The following MVB12B variants were observed in gnomAD, a reference collection of about 807,000 sequenced individuals.
MVB12B encodes the protein ESCRT-I complex subunit MVB12B.
In MVB12B, 16 loss-of-function variants were observed where a neutral mutation model predicts 41.6. The observed-to-expected ratio is 0.38, with a 90% confidence interval of 0.26 to 0.58. The LOEUF (loss-of-function observed/expected upper bound fraction) is 0.58. MVB12B is among the 20% of genes least tolerant of loss of function. MVB12B has a pLI of 0.62. For synonymous variants in MVB12B, 133 were observed against 139.7 expected (o/e 0.95, Z 0.34); for missense variants, 274 against 380.2 (o/e 0.72, Z 2.32).
chr9:126,489,105 G>A (rs945004739), intron 9 of MVB12B, among the ~76,000 whole-genome samples: 1 of 152,222 alleles, frequency 6.6e-6, no homozygotes, highest in African/African-American at 2.4e-5. Context: ...GCCCCAGGGA[G>A]CATGCGCTCC....
chr9:126,386,948 GT>G lies in MVB12B; in HGVS notation c.409+291del, dbSNP rs1355105962. Among the ~76,000 whole-genome samples, 3 of 152,102 alleles carry G rather than the reference GT, an allele frequency of 2.0e-5. No individual in the cohort carries two copies. The highest frequency in any genetic ancestry group is 7.2e-5 in the African/African-American group (3 of 41,426). On this transcript the variant is annotated intron_variant, in intron 4 of 9. Transcript: ENST00000361171. This position sits in a 1 kb window ranked among gnomAD's most constrained non-coding sequence, Gnocchi z 4.3. ...ATGGAATGGTGAAACTATACAGTTT[GT>G]CTTTAGTCCTTCCTCTGGTGTTGCT...
intron 9 of MVB12B, 100 bp downstream of exon 9, chr9:126,484,132 C>A: frequency 9.1e-7 from 1 of 1,095,338 alleles, no homozygotes; most frequent in Non-Finnish European, 1.4e-6. Flanking sequence ...AAGAGAGGGA[C>A]AGGTGGAGGT....
At chr9:126,394,635 C>A (rs1831051633) in intron 5 of MVB12B, among the ~76,000 whole-genome samples, 2 of 152,162 alleles carry the variant, frequency 1.3e-5, no homozygotes, top group Admixed American at 1.3e-4. Flanking sequence ...GCAAACAGCA[C>A]CTCCAAAGCC....
rs1833602905 is a variant in MVB12B at position 126,485,601 on chromosome 9, C to G, written c.873+1569C>G. ...CACTGTGCTTCATGAGGTCAGGGTA[C>G]TTCCACTGTGCTTCATGAGGTCAGG... On this transcript the variant is annotated intron_variant, in intron 9 of 9. Coordinates refer to ENST00000361171, the MANE Select transcript of MVB12B (RefSeq NM_033446.3). 2.9e-5 allele frequency among the ~76,000 whole-genome samples: 2 copies of G among 68,930 alleles called. 1 individual carries two copies. The highest frequency in any genetic ancestry group is 7.1e-5 in the Non-Finnish European group (2 of 28,092). The allele number at this position is 68,930 out of a possible 152,430, so 45.2% of individuals were successfully genotyped here. A position where few individuals can be genotyped will look rare whatever the true frequency, so the allele number is the denominator to read the frequency against.
At chr9:126,437,476 C>A (rs747403450) in intron 7 of MVB12B, among the ~76,000 whole-genome samples, 1 of 152,164 alleles carries the variant, frequency 6.6e-6, no homozygotes, top group Non-Finnish European at 1.5e-5. Context: ...AATTAAAGCA[C>A]GGCTTTATGC....
At chr9:126,327,857 G>A (rs1311032515) in intron 1 of MVB12B, among the ~76,000 whole-genome samples, 1 of 152,208 alleles carries the variant, frequency 6.6e-6, no homozygotes, top group Non-Finnish European at 1.5e-5. Context: ...AAAGGCAAAT[G>A]GTGGTTGCCC....
intron 7 of MVB12B, among the ~76,000 whole-genome samples, chr9:126,426,679 C>T (rs571511252): frequency 1.3e-5 from 2 of 152,022 alleles, no homozygotes; most frequent in Admixed American, 1.3e-4. Flanking sequence ...AAAATACATA[C>T]GGCCAAATGA....
chr9:126,397,126 C>T (rs866860693), intron 6 of MVB12B: 38 of 985,430 alleles, frequency 3.9e-5, no homozygotes, highest in Middle Eastern at 1.0e-3. Flanking sequence ...GGGCTCCTTG[C>T]AGAGGCTGGA....
chr9:126,392,282 A>G lies in MVB12B; in HGVS notation c.539+87A>G, dbSNP rs1474458630. 5.3e-6 allele frequency: 8 copies of G among 1,498,872 alleles called. No individual in the cohort carries two copies. Among genetic ancestry groups the G allele is most frequent in the South Asian group, 1.2e-5 (1 of 84,178 alleles). The allele number at this position is 1,498,872 out of a possible 1,614,324, so 92.8% of individuals were successfully genotyped here. ...AGGCAATGAGGTCCAAGAGATTTCC[A>G]TGCAGCCCCCCAGGCTCTCAGCCAT... is the stretch of plus-strand genomic sequence containing the variant. On this transcript the variant is annotated intron_variant, in intron 5 of 9. Transcript: ENST00000361171. This position sits in a 1 kb window ranked among gnomAD's most constrained non-coding sequence, Gnocchi z 4.8.
At chr9:126,476,079 A>ACATG (rs1554784737) in intron 7 of MVB12B, among the ~76,000 whole-genome samples, 5 of 97,598 alleles carry the variant, frequency 5.1e-5, no homozygotes, top group South Asian at 3.9e-4. Flanking sequence ...GGGTGGAGCG[A>ACATG]GGCCGTCAAA....
chr9:126,441,968 G>C (rs1441202421), intron 7 of MVB12B, among the ~76,000 whole-genome samples: 1 of 152,148 alleles, frequency 6.6e-6, no homozygotes, highest in Admixed American at 6.6e-5. Flanking sequence ...AGGTGGTCAG[G>C]GTGGATTTTG....
At position 126,340,663 on chromosome 9, in the gene MVB12B, C is replaced by T; in HGVS notation, c.204+33C>T. The T allele has an allele frequency of 6.2e-7, 1 of 1,608,714 alleles. No homozygotes were observed. ...AAGATACTAGTTTGTACATTTTGCT[C>T]ACTGATTCTACAAGTATTTATCTCC... is the stretch of plus-strand genomic sequence containing the variant. On this transcript the variant is annotated intron_variant, in intron 2 of 9. Coordinates refer to ENST00000361171, the MANE Select transcript of MVB12B (RefSeq NM_033446.3). The surrounding 1 kb of genome is among the most constrained non-coding windows in gnomAD (Gnocchi z 4.0).
Position 126,504,792 on chromosome 9 carries a change from C to T in MVB12B, c.*1529C>T, listed in dbSNP as rs1834033057. 1 of 152,606 alleles carries T rather than the reference C, an allele frequency of 6.6e-6. No homozygotes were observed. Among genetic ancestry groups the T allele is most frequent in the Non-Finnish European group, 1.5e-5 (1 of 68,132 alleles). The allele number at this position is 152,606 out of a possible 1,614,324, so 9.5% of individuals were successfully genotyped here. A position where few individuals can be genotyped will look rare whatever the true frequency, so the allele number is the denominator to read the frequency against. The stretch of plus-strand genomic sequence containing the variant: ...AAGGGAAGCGGCCACTTCTCCCTCC[C>T]TGAGACCCGAGGATGCCCCTGGTGG... On this transcript the variant is annotated 3_prime_UTR_variant, in exon 10 of 10. Transcript: ENST00000361171.
chr9:126,363,075 T>C (rs1323639114), intron 2 of MVB12B, among the ~76,000 whole-genome samples: 1 of 151,764 alleles, frequency 6.6e-6, no homozygotes, highest in Non-Finnish European at 1.5e-5. Context: ...TAATCCCAGC[T>C]ACTCAGGAGG....
Position 126,471,142 on chromosome 9 carries a change from A to G in MVB12B, c.758-10227A>G, listed in dbSNP as rs1833306748. ...TGGTCTAAACTCATTTCCTGCAGAA[A>G]CAGCTGCTTTCGACATAAAACCGCA... On this transcript the variant is annotated intron_variant, in intron 7 of 9. Coordinates refer to ENST00000361171, the MANE Select transcript of MVB12B (RefSeq NM_033446.3). 2.0e-5 allele frequency among the ~76,000 whole-genome samples: 3 copies of G among 152,176 alleles called. No homozygotes were observed. In the South Asian group the frequency reaches 6.2e-4, roughly 32 times the overall value.
At chr9:126,433,772 TGTGAC>T (rs909734490) in intron 7 of MVB12B, among the ~76,000 whole-genome samples, 2 of 152,154 alleles carry the variant, frequency 1.3e-5, no homozygotes, top group Admixed American at 1.3e-4. Flanking sequence ...AACCCTCACC[TGTGAC>T]CCAGTCATTC....
Position 126,503,667 on chromosome 9 carries a change from C to T in MVB12B, c.*404C>T, listed in dbSNP as rs984004474. ...CCTACCAGGGCAGACCCCACTAAGC[C>T]GTTGAGTCTCTTCCTGGAAGACCCT... On this transcript the variant is annotated 3_prime_UTR_variant, in exon 10 of 10. Transcript: ENST00000361171. 16 of 226,018 alleles carry T rather than the reference C, an allele frequency of 7.1e-5. No individual in the cohort carries two copies. The highest frequency in any genetic ancestry group is 3.2e-4 in the African/African-American group (14 of 43,554). The allele number at this position is 226,018 out of a possible 1,614,324, so 14.0% of individuals were successfully genotyped here.
At chr9:126,394,985 AG>A (rs913625806) in intron 5 of MVB12B, among the ~76,000 whole-genome samples, 28 of 152,240 alleles carry the variant, frequency 1.8e-4, no homozygotes, top group African/African-American at 6.5e-4. Context: ...GGGAGGTCAC[AG>A]GAGAGCTTAT....
intron 9 of MVB12B, among the ~76,000 whole-genome samples, chr9:126,493,384 C>T (rs978702503): frequency 3.9e-5 from 6 of 152,050 alleles, no homozygotes; most frequent in African/African-American, 9.7e-5. Context: ...TTCTTGATTC[C>T]GTTCTGCTCT....
Sources: allele counts gnomAD v4.1 joint callset (sites outside exome capture counted in the v4.1 genomes callset), GRCh38; gene constraint gnomAD v4.1.1; non-coding constraint Gnocchi (gnomAD v3.1); transcripts MANE v1.5; gene names NCBI Gene and HGNC (gene_info 2026-07-23, HGNC 2026-07-21).